The following TAFA4 variants were observed in gnomAD, a reference collection of about 807,000 sequenced individuals.
TAFA4 encodes TAFA chemokine like family member 4, also known as chemokine-like protein TAFA-4.
A neutral mutation model predicts 21.1 loss-of-function variants in TAFA4; 20 were observed. The observed-to-expected ratio is 0.95, with a 90% CI of 0.67 to 1.38. TAFA4 has a LOEUF of 1.38. TAFA4 is among the 40% of genes most tolerant of loss of function. The pLI is 0.00. For synonymous variants in TAFA4, 71 were observed against 67.4 expected (o/e 1.05, Z -0.26); for missense variants, 211 against 180.9 (o/e 1.17, Z -0.95).
chr3:68,736,384 T>C lies in TAFA4; in HGVS notation c.411+2691A>G, dbSNP rs1474702843. Reference sequence around the variant, plus strand: ...GAGTAAACTCAGTGCCAATATTTTATACCTGGAAAAGATAACTAGTTAGGG... The same window carrying C: ...GAGTAAACTCAGTGCCAATATTTTACACCTGGAAAAGATAACTAGTTAGGG... On this transcript the variant is annotated intron_variant, in intron 5 of 5. Transcript: ENST00000295569. 2.6e-5 allele frequency among the ~76,000 whole-genome samples: 4 copies of C among 152,178 alleles called. No homozygotes were observed. The East Asian group carries it at 7.7e-4, about 29-fold the overall frequency.
chr3:68,916,225 AT>A (rs1277807463), intron 1 of TAFA4: 2 of 152,258 alleles, frequency 1.3e-5, no homozygotes, highest in Admixed American at 1.3e-4. Context: ...CTGTCAAAAC[AT>A]ATCAAACGGA....
intron 3 of TAFA4, among the ~76,000 whole-genome samples, chr3:68,841,344 A>AAAT (rs1704662010): frequency 1.4e-5 from 1 of 73,630 alleles, no homozygotes; most frequent in Admixed American, 1.2e-4. Context: ...AAATAAAAAA[A>AAAT]AATAAAATCC....
intron 3 of TAFA4, among the ~76,000 whole-genome samples, chr3:68,799,029 C>T (rs1312806011): frequency 6.6e-6 from 1 of 152,072 alleles, no homozygotes; most frequent in African/African-American, 2.4e-5. Context: ...AAATGCTTTA[C>T]TTTCTAGGTG....
In TAFA4 at chr3:68,783,750, A is replaced by AAAGT. The variant is rs1553641307; in HGVS notation, c.131-30733_131-30732insACTT. 1.9e-3 allele frequency among the ~76,000 whole-genome samples: 278 copies of AAAGT among 145,286 alleles called. 2 individuals are homozygous for AAAGT. Among genetic ancestry groups the AAAGT allele is most frequent in the African/African-American group, 6.4e-3 (236 of 36,634 alleles). ...GAAAGAAAGAAAGAAAGAAAGTAAG[A>AAAGT]AAGAAAGAAACAAAAACAAAGAAAC... On this transcript the variant is annotated intron_variant, in intron 3 of 5. Transcript: ENST00000295569.
rs1000789774 is a variant in TAFA4 at position 68,732,137 on chromosome 3, A to T, written c.*1005T>A. 2.0e-5 allele frequency: 3 copies of T among 152,618 alleles called. No individual in the cohort carries two copies. Among genetic ancestry groups the T allele is most frequent in the African/African-American group, 7.2e-5 (3 of 41,446 alleles). The allele number at this position is 152,618 out of a possible 1,614,324, so 9.5% of individuals were successfully genotyped here. On this transcript the variant is annotated 3_prime_UTR_variant, in exon 6 of 6. Coordinates refer to ENST00000295569, the MANE Select transcript of TAFA4 (RefSeq NM_182522.5). ...GTGGAGACATGTCTGCTGCAAAATC[A>T]TTAAGCCAATCAGGACTCAGATTTT...
At chr3:68,861,138 T>G (rs2089337344) in intron 3 of TAFA4, among the ~76,000 whole-genome samples, 1 of 149,744 alleles carries the variant, frequency 6.7e-6, no homozygotes, top group Non-Finnish European at 1.5e-5. Flanking sequence ...ACCAAAGCAT[T>G]TTTGTTGTTG....
At chr3:68,831,065 T>A (rs925513395) in intron 3 of TAFA4, among the ~76,000 whole-genome samples, 1 of 152,204 alleles carries the variant, frequency 6.6e-6, no homozygotes, top group Non-Finnish European at 1.5e-5. Context: ...ACCTCTTTAT[T>A]TTGAGCCTAT....
chr3:68,774,840 T>A (rs1258190334), intron 3 of TAFA4, among the ~76,000 whole-genome samples: 2 of 152,004 alleles, frequency 1.3e-5, no homozygotes, highest in African/African-American at 4.8e-5. Context: ...TATAAGTGAC[T>A]CTGTGAAAAG....
At chr3:68,839,420 C>A (rs1398561840) in intron 3 of TAFA4, among the ~76,000 whole-genome samples, 1 of 152,136 alleles carries the variant, frequency 6.6e-6, no homozygotes, top group Non-Finnish European at 1.5e-5. Context: ...TCCAAAACAA[C>A]AACAATGAAC....
chr3:68,813,738 C>T (rs929790308), intron 3 of TAFA4, among the ~76,000 whole-genome samples: 1 of 152,174 alleles, frequency 6.6e-6, no homozygotes, highest in East Asian at 1.9e-4. Context: ...ACCAGAGGTA[C>T]AAGGAGGAAC....
At chr3:68,736,627 C>G (rs929728403) in intron 5 of TAFA4, among the ~76,000 whole-genome samples, 3 of 152,084 alleles carry the variant, frequency 2.0e-5, no homozygotes, top group Non-Finnish European at 4.4e-5. Context: ...TTAGTTAATA[C>G]GTCCTCTAGG....
chr3:68,851,863 G>A (rs1704958186), intron 3 of TAFA4, among the ~76,000 whole-genome samples: 2 of 152,104 alleles, frequency 1.3e-5, no homozygotes, highest in Admixed American at 1.3e-4. Context: ...AACGAACTGT[G>A]GAGACAATAT....
intron 2 of TAFA4, among the ~76,000 whole-genome samples, chr3:68,884,305 T>C (rs532521569): frequency 6.6e-6 from 1 of 152,074 alleles, no homozygotes; most frequent in South Asian, 2.1e-4. Context: ...GCCTGGAGAA[T>C]AGGAAAAGGG....
chr3:68,807,769 G>A (rs1703734519), intron 3 of TAFA4, among the ~76,000 whole-genome samples: 1 of 152,168 alleles, frequency 6.6e-6, no homozygotes, highest in South Asian at 2.1e-4. Flanking sequence ...TCATGTAGCT[G>A]CATCACCTAC....
At chr3:68,927,842 G>C (rs960807168) in intron 1 of TAFA4, among the ~76,000 whole-genome samples, 4 of 150,974 alleles carry the variant, frequency 2.6e-5, no homozygotes, top group Admixed American at 6.6e-5. Context: ...AGTTTGCAGA[G>C]AGCTGTGATC....
chr3:68,826,707 G>C (rs1418764197), intron 3 of TAFA4, among the ~76,000 whole-genome samples: 1 of 152,108 alleles, frequency 6.6e-6, no homozygotes, highest in Non-Finnish European at 1.5e-5. Flanking sequence ...TGGCAAGGAA[G>C]GGAAAGAGGA....
In TAFA4 at chr3:68,813,793, G is replaced by A. The variant is rs544000443; in HGVS notation, c.131-60775C>T. 9.1e-3 allele frequency among the ~76,000 whole-genome samples: 1,391 copies of A among 152,104 alleles called. 25 individuals carry two copies. Among genetic ancestry groups the A allele is most frequent in the African/African-American group, 0.032 (1,345 of 41,466 alleles). ...ACTATTCCAATCAATAGAAAAAGAG[G>A]GAATCCTCCCTAACTCATTTTATGA... On this transcript the variant is annotated intron_variant, in intron 3 of 5. Coordinates refer to ENST00000295569, the MANE Select transcript of TAFA4 (RefSeq NM_182522.5).
intron 3 of TAFA4, among the ~76,000 whole-genome samples, chr3:68,816,314 AT>A (rs1241347379): frequency 2.2e-4 from 33 of 152,178 alleles, no homozygotes; most frequent in Admixed American, 2.2e-3. Flanking sequence ...TTAATGTATA[AT>A]TAAAAAAAAA....
intron 3 of TAFA4, among the ~76,000 whole-genome samples, chr3:68,873,367 CACACACA>C (rs2089509875): frequency 6.9e-6 from 1 of 145,448 alleles, no homozygotes; most frequent in Admixed American, 7.2e-5. Flanking sequence ...CACACACACA[CACACACA>C]CACCCTGGGC....
Sources: gnomAD v4.1 joint callset for allele counts (sites outside exome capture counted in the v4.1 genomes callset) on GRCh38, gnomAD v4.1.1 for gene constraint, MANE v1.5 for transcripts, NCBI Gene and HGNC (gene_info 2026-07-23, HGNC 2026-07-21) for gene names.